Variants in GALNT11 observed in about 807,000 individuals in gnomAD.
The protein encoded by GALNT11 is polypeptide N-acetylgalactosaminyltransferase 11, also known as UDP-GalNAc:polypeptide N-acetylgalactosaminyltransferase 11.
GALNT11 carries 47 observed loss-of-function variants against 72.7 expected under a neutral mutation model. The ratio of observed to expected loss-of-function variants is 0.65; its 90% CI spans 0.51 to 0.82. The LOEUF (loss-of-function observed/expected upper bound fraction) is 0.82. Ranked by LOEUF, GALNT11 falls within the 40% of genes least tolerant of loss-of-function variation. GALNT11 has a pLI of 0.00. For missense variants in GALNT11, 677 were observed against 778.4 expected (o/e 0.87, Z 1.55); for synonymous variants, 270 against 286.6 (o/e 0.94, Z 0.58).
chr7:152,032,755 A>G (rs1350100713), intron 1 of GALNT11, among the ~76,000 whole-genome samples: 1 of 152,178 alleles, frequency 6.6e-6, no homozygotes, highest in East Asian at 1.9e-4. Context: ...CAAGTAGGTG[A>G]CACCAAATGG....
At chr7:152,049,408 C>T (rs1321806744) in intron 1 of GALNT11, among the ~76,000 whole-genome samples, 2 of 152,182 alleles carry the variant, frequency 1.3e-5, no homozygotes, top group Non-Finnish European at 2.9e-5. Flanking sequence ...CCTTGATGGT[C>T]TTAGATAAGA....
intron 11 of GALNT11, 52 bp downstream of exon 11, chr7:152,121,020 AGT>A: frequency 6.3e-7 from 1 of 1,581,530 alleles, no homozygotes; most frequent in Admixed American, 1.9e-5. Flanking sequence ...CACAAGGTTG[AGT>A]GAGGGAGTGT....
In GALNT11 at chr7:152,110,568, C is replaced by T; in HGVS notation, c.1003C>T (p.Gln335Ter). Reference protein sequence around the residue: ...MAGGLFAMNRQYFHELGQYDS... With the variant: ...MAGGLFAMNR The stretch of plus-strand genomic sequence containing the variant: ...TGGAGGTTTGTTTGCCATGAACAGA[C>T]AGTATTTCCATGAACTTGGACAGTA... The change falls in exon 7 of 12, where the codon CAG (glutamine) becomes TAG (stop). Residue 335 changes from glutamine to a stop codon, truncating the protein, a stop_gained. Transcript: ENST00000430044. LOFTEE classifies it high-confidence loss of function. 1 of 1,613,444 alleles carries T rather than the reference C, an allele frequency of 6.2e-7. No homozygotes were observed. Among genetic ancestry groups the T allele is most frequent in the Non-Finnish European group, 8.5e-7 (1 of 1,179,874 alleles).
chr7:152,094,259 A>T lies in GALNT11; in HGVS notation c.32A>T (p.Tyr11Phe), dbSNP rs2086229787. 6.2e-7 allele frequency: 1 copy of T among 1,611,186 alleles called. No individual in the cohort carries two copies. The highest frequency in any genetic ancestry group is 1.7e-5 in the Admixed American group (1 of 59,690). ...AGTGTCACAGTTCGGTATTTCTGTT[A>T]TGGGTGCCTTTTTACATCTGCGACC... Reference protein sequence around the residue: MGSVTVRYFCYGCLFTSATWT... With the variant: MGSVTVRYFCFGCLFTSATWT... Residue 11 changes from tyrosine (Y) to phenylalanine (F), a missense_variant, in exon 2 of 12, where the codon TAT becomes TTT. By Grantham distance (22) the Tyr-to-Phe change is conservative (BLOSUM62 3). Transcript: ENST00000430044. The surrounding 1 kb of genome is among the most constrained non-coding windows in gnomAD (Gnocchi z 4.3).
At chr7:152,028,824 C>T (rs1378887764) in intron 1 of GALNT11, among the ~76,000 whole-genome samples, 2 of 152,192 alleles carry the variant, frequency 1.3e-5, no homozygotes, top group Non-Finnish European at 2.9e-5. Context: ...AGTGAAAGGG[C>T]CAGCAGGTTG....
At chr7:152,034,020 A>T (rs2361218) in intron 1 of GALNT11, among the ~76,000 whole-genome samples, 1 of 152,196 alleles carries the variant, frequency 6.6e-6, no homozygotes, top group East Asian at 1.9e-4. Context: ...CTGAAAACTT[A>T]CCCAGGTCTG....
chr7:152,042,781 T>A (rs2082927735), intron 1 of GALNT11, among the ~76,000 whole-genome samples: 1 of 152,174 alleles, frequency 6.6e-6, no homozygotes, highest in South Asian at 2.1e-4. Flanking sequence ...GTACAGAAGT[T>A]ATAATTGGTT....
Position 152,103,142 on chromosome 7 carries a change from G to T in GALNT11, c.450G>T (p.Leu150=). 2 of 1,609,896 alleles carry T rather than the reference G, an allele frequency of 1.2e-6. No homozygotes were observed. Among genetic ancestry groups the T allele is most frequent in the Non-Finnish European group, 1.7e-6 (2 of 1,177,358 alleles). The stretch of plus-strand genomic sequence containing the variant: ...AAGAAAAGTTCTACCCACCTGACCT[G>T]CCAGCTGCTAGTGTTGTTATCTGTT... The part of the protein sequence containing the change: ...ACKEKFYPPD[L]PAASVVICFY... The change falls in exon 4 of 12, where the codon CTG becomes CTT. Residue 150 remains leucine, a synonymous_variant. Coordinates refer to ENST00000430044, the MANE Select transcript of GALNT11 (RefSeq NM_022087.4).
rs760143351 is a variant in GALNT11, at chr7:152,117,186, G to T, written c.1263G>T (p.Leu421=). The T allele has an allele frequency of 1.9e-6, 3 of 1,611,526 alleles. No homozygotes were observed. The African/African-American group carries it at 4.0e-5, about 22-fold the overall frequency. ...KEQYFSLRPD[L]KTKSYGNISE... ...AGTATTTTTCCTTAAGACCTGACCT[G>T]AAGACGAAAAGCTATGGCAATATCA... The change falls in exon 9 of 12, where the codon CTG becomes CTT. Residue 421 remains leucine (L), a synonymous_variant. Transcript: ENST00000430044.
At position 152,025,904 on chromosome 7, in the gene GALNT11, C is replaced by T; in HGVS notation, c.-39+20C>T. The T allele has an allele frequency of 1.7e-5, 4 of 230,002 alleles. No individual in the cohort carries two copies. The highest frequency in any genetic ancestry group is 5.1e-4 in the Middle Eastern group (1 of 1,948). 14.2% of individuals were successfully genotyped at this position (230,002 alleles called of 1,614,324 possible). A position where few individuals can be genotyped will look rare whatever the true frequency, so the allele number is the denominator to read the frequency against. On this transcript the variant is annotated intron_variant, in intron 1 of 11. Transcript: ENST00000430044. ...AAGGCGGTGAGTACCCTCTAGGCGG[C>T]GGCCTCCCGGCGTCCCTCAGCACCT...
intron 1 of GALNT11, among the ~76,000 whole-genome samples, chr7:152,059,926 C>A (rs948711304): frequency 5.9e-5 from 9 of 152,184 alleles, no homozygotes; most frequent in African/African-American, 2.2e-4. Flanking sequence ...GGAAGCCGGA[C>A]ATTGATATCT....
Position 152,121,872 on chromosome 7 carries a change from C to A in GALNT11, c.*195C>A. 10 of 582,090 alleles carry A rather than the reference C, an allele frequency of 1.7e-5. No homozygotes were observed. In the South Asian group the frequency reaches 2.0e-4, roughly 12 times the overall value. 36.1% of individuals were successfully genotyped at this position (582,090 alleles called of 1,614,324 possible). ...CAGAGACGGGAGCTCTGAGTGTCCA[C>A]GGGTGAAGAAGTGAGTGTCCACGGG... On this transcript the variant is annotated 3_prime_UTR_variant, in exon 12 of 12. Transcript: ENST00000430044.
chr7:152,043,475 C>A (rs2082968066), intron 1 of GALNT11, among the ~76,000 whole-genome samples: 1 of 152,236 alleles, frequency 6.6e-6, no homozygotes, highest in Admixed American at 6.5e-5. Flanking sequence ...ACTGGCCCCT[C>A]ATGGCATTTC....
At chr7:152,087,473 G>T (rs545153923) in intron 1 of GALNT11, among the ~76,000 whole-genome samples, 1 of 152,324 alleles carries the variant, frequency 6.6e-6, no homozygotes, top group East Asian at 1.9e-4. Context: ...GAGAGAAGGT[G>T]GTGGGAAAAG....
At position 152,103,205 on chromosome 7, in the gene GALNT11, G is replaced by A; in HGVS notation, c.513G>A (p.Val171=). 6.2e-7 allele frequency: 1 copy of A among 1,613,790 alleles called. No individual in the cohort carries two copies. The highest frequency in any genetic ancestry group is 8.5e-7 in the Non-Finnish European group (1 of 1,179,850). The change falls in exon 4 of 12, where the codon GTG becomes GTA. Residue 171 remains valine (V), a synonymous_variant. Transcript: ENST00000430044. ...CGTTTTCTGCCTTGCTTCGGACAGT[G>A]CACAGTGTCATAGACCGCACGCCAG... ...NEAFSALLRT[V]HSVIDRTPAH...
chr7:152,097,896 C>T (rs1390149196), intron 2 of GALNT11, among the ~76,000 whole-genome samples: 5 of 152,170 alleles, frequency 3.3e-5, no homozygotes, highest in East Asian at 3.9e-4. Flanking sequence ...TTTTCTTCTG[C>T]GGTGCTGACA....
chr7:152,093,694 G>C (rs578040378), intron 1 of GALNT11, among the ~76,000 whole-genome samples: 14 of 152,242 alleles, frequency 9.2e-5, no homozygotes, highest in African/African-American at 3.4e-4. Flanking sequence ...CTCCCAAAGT[G>C]CTGGGATTAC....
intron 2 of GALNT11, 64 bp from the exon 3 acceptor site, chr7:152,100,734 T>C (rs1443566209): frequency 6.4e-7 from 1 of 1,572,438 alleles, no homozygotes; most frequent in Non-Finnish European, 8.7e-7. Flanking sequence ...AAGATCATAA[T>C]ATCGTTAACA....
intron 6 of GALNT11, among the ~76,000 whole-genome samples, chr7:152,110,221 CT>C (rs1319740574): frequency 6.6e-6 from 1 of 152,154 alleles, no homozygotes; most frequent in African/African-American, 2.4e-5. Context: ...ATCCCCAAGG[CT>C]CTGTGAGATT....
Sources: allele counts gnomAD v4.1 joint callset (sites outside exome capture counted in the v4.1 genomes callset), GRCh38; gene constraint gnomAD v4.1.1; non-coding constraint Gnocchi (gnomAD v3.1); transcripts MANE v1.5; gene names NCBI Gene and HGNC (gene_info 2026-07-23, HGNC 2026-07-21).